MTHFS: variants seen among roughly 807,000 people sequenced by gnomAD.
MTHFS encodes the protein 5-formyltetrahydrofolate cyclo-ligase.
Under a neutral mutation model 12.7 loss-of-function variants are expected in MTHFS, and 7 were observed. That is an observed-to-expected ratio of 0.55 (90% CI 0.31 to 1.03). MTHFS has a LOEUF of 1.03. Ranked by LOEUF, MTHFS falls within the 50% of genes least tolerant of loss-of-function variation. The probability of loss-of-function intolerance (pLI) is 0.05; values close to 1 mark genes in which losing one functional copy is unlikely to be tolerated. For synonymous variants in MTHFS, 100 were observed against 97.1 expected, an observed-to-expected ratio of 1.03 and a Z score of -0.18; for missense variants, 252 against 258.1, an observed-to-expected ratio of 0.98 and a Z score of 0.16.
chr15:79,894,094 T>A (rs1156463886), intron 1 of MTHFS, among the ~76,000 whole-genome samples: 1 of 152,140 alleles, frequency 6.6e-6, no homozygotes, highest in Admixed American at 6.5e-5. Flanking sequence ...TAGAAAATAT[T>A]AAAGTTCGAG....
At position 79,845,236 on chromosome 15, in the gene MTHFS, G is replaced by A. The variant is rs1489428609; in HGVS notation, c.586C>T (p.Leu196Phe). The change falls in exon 3 of 3, where the codon CTT becomes TTT. Residue 196 changes from leucine (L) to phenylalanine (F), a missense_variant. Leu to Phe is a conservative substitution (Grantham distance 22). Transcript: ENST00000258874. ...TAAGCTGTTGACGAGTCTTCGTAAAGGACTTCATCTACCTTCATGTCGTTT... is the reference window on the plus strand; with the variant it reads ...TAAGCTGTTGACGAGTCTTCGTAAAAGACTTCATCTACCTTCATGTCGTTT... ...NENDMKVDEVLYEDSSTA is the reference protein window; with the variant it reads ...NENDMKVDEVFYEDSSTA 6.2e-7 allele frequency: 1 copy of A among 1,614,150 alleles called. No individual in the cohort carries two copies. The highest frequency in any genetic ancestry group is 1.7e-5 in the Admixed American group (1 of 60,026).
intron 2 of MTHFS, among the ~76,000 whole-genome samples, chr15:79,863,010 C>G (rs958387416): frequency 6.6e-6 from 1 of 152,146 alleles, no homozygotes; most frequent in Non-Finnish European, 1.5e-5. Flanking sequence ...GTCCTGGAGC[C>G]ACCTCAAACG....
chr15:79,849,197 A>G (rs2033670011), intron 2 of MTHFS, among the ~76,000 whole-genome samples: 1 of 152,076 alleles, frequency 6.6e-6, no homozygotes, highest in African/African-American at 2.4e-5. Context: ...TGCTCCCTTC[A>G]ACCACGGGGA....
At chr15:79,846,420 A>T (rs1271770350) in intron 2 of MTHFS, among the ~76,000 whole-genome samples, 4 of 152,284 alleles carry the variant, frequency 2.6e-5, no homozygotes, top group African/African-American at 9.6e-5. Context: ...TTCATATAGC[A>T]TTTGCTGGCA....
At chr15:79,862,966 T>C (rs1324458327) in intron 2 of MTHFS, among the ~76,000 whole-genome samples, 2 of 152,188 alleles carry the variant, frequency 1.3e-5, no homozygotes, top group African/African-American at 2.4e-5. Flanking sequence ...CAGAGCTATA[T>C]ATCCAACTAG....
chr15:79,865,043 G>T (rs1460241133), intron 2 of MTHFS, among the ~76,000 whole-genome samples: 3 of 152,166 alleles, frequency 2.0e-5, no homozygotes, highest in African/African-American at 7.2e-5. Context: ...TGTTTCAGGG[G>T]AGAGGTTCAC....
chr15:79,845,727 C>A (rs1334762683), intron 2 of MTHFS, among the ~76,000 whole-genome samples: 2 of 152,132 alleles, frequency 1.3e-5, no homozygotes, highest in African/African-American at 4.8e-5. Context: ...AGAGAATCTC[C>A]AGAGATAGGG....
intron 2 of MTHFS, among the ~76,000 whole-genome samples, chr15:79,871,151 A>G (rs932901588): frequency 1.1e-4 from 17 of 152,214 alleles, no homozygotes; most frequent in Admixed American, 1.3e-4. Flanking sequence ...TCAAAAAAAA[A>G]GAAAAGAAAA....
In MTHFS at chr15:79,891,958, C is replaced by A. The variant is rs1471982830; in HGVS notation, c.118-2604G>T. On this transcript the variant is annotated intron_variant, in intron 1 of 2. Coordinates refer to ENST00000258874, the MANE Select transcript of MTHFS (RefSeq NM_006441.4). ...AGCCTGGGCAACAAGAATGAAACTC[C>A]ATCTCAAAAAAAAAAAAAAAAAAAA... 9.0e-5 allele frequency among the ~76,000 whole-genome samples: 5 copies of A among 55,662 alleles called. No homozygotes were observed. In the East Asian group the frequency reaches 1.6e-3, roughly 17 times the overall value. 36.5% of individuals were successfully genotyped at this position (55,662 alleles called of 152,430 possible). A position where few individuals can be genotyped will look rare whatever the true frequency, so the allele number is the denominator to read the frequency against.
intron 2 of MTHFS, among the ~76,000 whole-genome samples, chr15:79,873,992 T>G (rs994399582): frequency 2.6e-5 from 4 of 152,106 alleles, no homozygotes; most frequent in Non-Finnish European, 5.9e-5. Context: ...CTGAGAGAGC[T>G]TGGCAGAGAG....
intron 2 of MTHFS, among the ~76,000 whole-genome samples, chr15:79,873,791 T>G (rs2034144441): frequency 6.6e-6 from 1 of 152,188 alleles, no homozygotes; most frequent in South Asian, 2.1e-4. Context: ...TAGGGGGCTT[T>G]GTGAGCTAAA....
chr15:79,896,966 C>G lies in MTHFS; in HGVS notation c.23G>C (p.Ser8Thr). The change falls in exon 1 of 3, where the codon AGC becomes ACC. Residue 8 changes from serine to threonine, a missense_variant. By Grantham distance (58) the Ser-to-Thr change is moderately conservative. Transcript: ENST00000258874. ...CTCTCCCCGCAGGCTCCGCTTGGCG[C>G]TGCTCACCGCTGCCGCCGCCATCTC... MAAAAVS[S>T]AKRSLRGELK... 1 of 1,532,566 alleles carries G rather than the reference C, an allele frequency of 6.5e-7. No individual in the cohort carries two copies. Among genetic ancestry groups the G allele is most frequent in the Non-Finnish European group, 8.7e-7 (1 of 1,144,736 alleles). The allele number at this position is 1,532,566 out of a possible 1,614,324, so 94.9% of individuals were successfully genotyped here. A position where few individuals can be genotyped will look rare whatever the true frequency, so the allele number is the denominator to read the frequency against.
upstream of MTHFS, chr15:79,897,041 G>C: frequency 6.8e-7 from 1 of 1,479,614 alleles, no homozygotes; most frequent in East Asian, 2.7e-5. Context: ...GCGCCCTCGG[G>C]TTCGGTCTCC....
chr15:79,869,229 C>T (rs1353317970), intron 2 of MTHFS, among the ~76,000 whole-genome samples: 3 of 152,162 alleles, frequency 2.0e-5, no homozygotes, highest in Admixed American at 1.3e-4. Context: ...TATTTAATTA[C>T]TATTTTAAAA....
In MTHFS at chr15:79,896,860, G is replaced by C; in HGVS notation, c.117+12C>G. On this transcript the variant is annotated intron_variant, in intron 1 of 2. Transcript: ENST00000258874. ...CTGTCCGCCGCGGCTTCCGCTACGG[G>C]CGGCCTCGCACCTTCTGGCTCAGTA... is the stretch of plus-strand genomic sequence containing the variant. 6.5e-7 allele frequency: 1 copy of C among 1,541,664 alleles called. No homozygotes were observed. The highest frequency in any genetic ancestry group is 8.7e-7 in the Non-Finnish European group (1 of 1,146,200).
rs1476006778 is a variant in MTHFS, at chr15:79,896,980, C to G, written c.9G>C (p.Ala3=). Residue 3 remains alanine (A), a synonymous_variant, in exon 1 of 3, where the codon GCG becomes GCC. Coordinates refer to ENST00000258874, the MANE Select transcript of MTHFS (RefSeq NM_006441.4). ...TCCGCTTGGCGCTGCTCACCGCTGCCGCCGCCATCTCACGCCCAAGCCGAG... is the reference window on the plus strand; with the variant it reads ...TCCGCTTGGCGCTGCTCACCGCTGCGGCCGCCATCTCACGCCCAAGCCGAG... MA[A]AAVSSAKRSL... The G allele has an allele frequency of 6.5e-7, 1 of 1,529,644 alleles. No homozygotes were observed. Among genetic ancestry groups the G allele is most frequent in the East Asian group, 2.5e-5 (1 of 40,012 alleles). 94.8% of individuals were successfully genotyped at this position (1,529,644 alleles called of 1,614,324 possible). A position where few individuals can be genotyped will look rare whatever the true frequency, so the allele number is the denominator to read the frequency against.
intron 2 of MTHFS, among the ~76,000 whole-genome samples, chr15:79,872,121 A>AAC (rs1555412822): frequency 6.6e-6 from 1 of 151,672 alleles, no homozygotes; most frequent in Non-Finnish European, 1.5e-5. Context: ...AAAAAAAAAA[A>AAC]AAAAAAATTT....
chr15:79,845,244 T>C lies in MTHFS; in HGVS notation c.578A>G (p.Asp193Gly), dbSNP rs1566985038. 2 of 1,614,232 alleles carry C rather than the reference T, an allele frequency of 1.2e-6. No individual in the cohort carries two copies. The highest frequency in any genetic ancestry group is 1.6e-4 in the Middle Eastern group (1 of 6,062). The stretch of plus-strand genomic sequence containing the variant: ...TGACGAGTCTTCGTAAAGGACTTCA[T>C]CTACCTTCATGTCGTTTTCATTCAC... ...VPVNENDMKV[D>G]EVLYEDSSTA Residue 193 changes from aspartate (D) to glycine (G), a missense_variant, in exon 3 of 3, where the codon GAT (aspartate) becomes GGT (glycine). Transcript: ENST00000258874.
chr15:79,849,570 C>T (rs751576715), intron 2 of MTHFS, among the ~76,000 whole-genome samples: 3 of 152,208 alleles, frequency 2.0e-5, no homozygotes, highest in Non-Finnish European at 4.4e-5. Context: ...ACCACAAGGT[C>T]AGAATTCAAT....
Sources: gnomAD v4.1 joint callset for allele counts (sites outside exome capture counted in the v4.1 genomes callset) on GRCh38, gnomAD v4.1.1 for gene constraint, MANE v1.5 for transcripts, NCBI Gene and HGNC (gene_info 2026-07-23, HGNC 2026-07-21) for gene names.